The following MLLT3 variants were observed in gnomAD, a reference collection of about 807,000 sequenced individuals.
The protein encoded by MLLT3 is MLLT3 super elongation complex subunit, also known as protein AF-9.
Under a neutral mutation model 53.2 loss-of-function variants are expected in MLLT3, and 4 were observed. That is an observed-to-expected ratio of 0.08 (90% CI 0.04 to 0.17). The LOEUF (loss-of-function observed/expected upper bound fraction) is 0.17, where lower values mean the gene tolerates loss of function less well. MLLT3 is among the 10% of genes least tolerant of loss of function. MLLT3 has a pLI of 1.00. For synonymous variants in MLLT3, 283 were observed against 230.6 expected (o/e 1.23, Z -2.06); for missense variants, 569 against 684.0 (o/e 0.83, Z 1.87).
intron 2 of MLLT3, among the ~76,000 whole-genome samples, chr9:20,598,067 G>A (rs969951990): frequency 4.6e-5 from 7 of 152,104 alleles, no homozygotes; most frequent in Non-Finnish European, 8.8e-5. Flanking sequence ...TCTAATCTTA[G>A]CCCAGATCTA....
intron 2 of MLLT3, among the ~76,000 whole-genome samples, chr9:20,559,824 G>A (rs1819155766): frequency 6.6e-6 from 1 of 152,112 alleles, no homozygotes. Context: ...CATAGTTTTG[G>A]TAAAAAGAAA....
At chr9:20,520,791 G>A (rs1818037532) in intron 2 of MLLT3, among the ~76,000 whole-genome samples, 2 of 152,132 alleles carry the variant, frequency 1.3e-5, no homozygotes, top group African/African-American at 4.8e-5. Flanking sequence ...CACAGGGACA[G>A]GAAAATCCAA....
chr9:20,526,898 G>T (rs1306645295), intron 2 of MLLT3, among the ~76,000 whole-genome samples: 1 of 152,108 alleles, frequency 6.6e-6, no homozygotes, highest in African/African-American at 2.4e-5. Context: ...ATGAGGCTAG[G>T]CACCTTTCAT....
chr9:20,456,141 G>A (rs1156920188), intron 3 of MLLT3, among the ~76,000 whole-genome samples: 1 of 152,008 alleles, frequency 6.6e-6, no homozygotes, highest in Non-Finnish European at 1.5e-5. Flanking sequence ...GTTTCACCAT[G>A]TTGGCCAGGC....
chr9:20,597,541 C>G (rs1820305972), intron 2 of MLLT3, among the ~76,000 whole-genome samples: 1 of 152,156 alleles, frequency 6.6e-6, no homozygotes, highest in Non-Finnish European at 1.5e-5. Context: ...ATCTACTTTT[C>G]AACCATACAA....
intron 5 of MLLT3, among the ~76,000 whole-genome samples, chr9:20,373,342 C>A (rs1451714328): frequency 6.6e-6 from 1 of 152,136 alleles, no homozygotes; most frequent in Non-Finnish European, 1.5e-5. Context: ...AATGGCTATG[C>A]AAAATCATTT....
intron 2 of MLLT3, among the ~76,000 whole-genome samples, chr9:20,462,658 C>T (rs764415380): frequency 4.6e-5 from 7 of 152,096 alleles, no homozygotes; most frequent in African/African-American, 1.2e-4. Flanking sequence ...CTACCTTTTT[C>T]TCATTGCATC....
intron 4 of MLLT3, among the ~76,000 whole-genome samples, chr9:20,438,253 T>C (rs1463387942): frequency 2.0e-5 from 3 of 152,244 alleles, no homozygotes; most frequent in Non-Finnish European, 4.4e-5. Context: ...ACCTTTTTTA[T>C]GAACCTATAA....
At chr9:20,353,288 T>C (rs776673869) in intron 10 of MLLT3, among the ~76,000 whole-genome samples, 2 of 152,118 alleles carry the variant, frequency 1.3e-5, no homozygotes, top group East Asian at 1.9e-4. Context: ...ACTTCCCAAA[T>C]TGCCCAGTTC....
At chr9:20,480,510 A>C (rs563843583) in intron 2 of MLLT3, among the ~76,000 whole-genome samples, 1 of 152,352 alleles carries the variant, frequency 6.6e-6, no homozygotes, top group South Asian at 2.1e-4. Context: ...TGACAGTTTC[A>C]GATGGAGCCA....
intron 2 of MLLT3, among the ~76,000 whole-genome samples, chr9:20,509,984 G>C (rs1825488903): frequency 6.6e-6 from 1 of 151,718 alleles, no homozygotes; most frequent in Non-Finnish European, 1.5e-5. Context: ...TACCTTAGCT[G>C]AATTATGTGA....
intron 10 of MLLT3, among the ~76,000 whole-genome samples, chr9:20,350,780 T>C (rs1000938096): frequency 3.9e-5 from 6 of 152,206 alleles, no homozygotes; most frequent in Non-Finnish European, 7.3e-5. Flanking sequence ...CATTTTGTTT[T>C]AAACAGGGTA....
Position 20,413,795 on chromosome 9 carries a change from T to C in MLLT3, c.1051A>G (p.Thr351Ala), listed in dbSNP as rs776023664. Residue 351 changes from threonine to alanine, a missense_variant, in exon 5 of 11, where the codon ACG becomes GCG. Physicochemically the swap from Thr to Ala is moderately conservative, Grantham distance 58 (BLOSUM62 0). Around this residue, in one of 5 missense-constraint regions of MLLT3, gnomAD observed 437 missense variants for 376.5 expected, o/e 1.16. Transcript: ENST00000380338. ...ESETSEKKKS[T>A]LPPFDDIVDP... ...ACAATATCATCAAATGGCGGTAACG[T>C]TGATTTCTTCTTCTCTGATGTCTCA... The C allele has an allele frequency of 3.9e-5, 63 of 1,613,854 alleles. No homozygotes were observed. The highest frequency in any genetic ancestry group is 5.3e-5 in the African/African-American group (4 of 74,924).
intron 2 of MLLT3, among the ~76,000 whole-genome samples, chr9:20,540,171 C>A (rs1382404348): frequency 6.6e-6 from 1 of 152,216 alleles, no homozygotes; most frequent in Non-Finnish European, 1.5e-5. Context: ...CAAGGTAGAG[C>A]CGCCACAGCT....
chr9:20,476,049 A>G (rs1440617046), intron 2 of MLLT3, among the ~76,000 whole-genome samples: 1 of 152,016 alleles, frequency 6.6e-6, no homozygotes, highest in Non-Finnish European at 1.5e-5. Context: ...CTCAACATTA[A>G]TGCGCTGTTT....
At chr9:20,604,274 T>G (rs766303063) in intron 2 of MLLT3, among the ~76,000 whole-genome samples, 3 of 152,104 alleles carry the variant, frequency 2.0e-5, no homozygotes, top group Non-Finnish European at 4.4e-5. Flanking sequence ...TTATCCAAGA[T>G]GAGATTTTAA....
At chr9:20,383,378 G>C (rs1352746349) in intron 5 of MLLT3, among the ~76,000 whole-genome samples, 1 of 151,832 alleles carries the variant, frequency 6.6e-6, no homozygotes, top group Non-Finnish European at 1.5e-5. Flanking sequence ...AGGGTGAAAA[G>C]AATGAAACAC....
chr9:20,378,798 A>T (rs1821839067), intron 5 of MLLT3, among the ~76,000 whole-genome samples: 2 of 152,142 alleles, frequency 1.3e-5, no homozygotes, highest in African/African-American at 2.4e-5. Context: ...AATGAACTAA[A>T]GTAGCAAAAA....
intron 5 of MLLT3, among the ~76,000 whole-genome samples, chr9:20,387,241 G>A (rs1254203630): frequency 6.6e-6 from 1 of 152,146 alleles, no homozygotes; most frequent in African/African-American, 2.4e-5. Context: ...GTAAACAAGT[G>A]GCATGGCTGT....
Sources: gnomAD v4.1 joint callset for allele counts (sites outside exome capture counted in the v4.1 genomes callset) on GRCh38, gnomAD v4.1.1 for gene constraint, gnomAD v4.1.1 regional missense constraint, MANE v1.5 for transcripts, NCBI Gene and HGNC (gene_info 2026-07-23, HGNC 2026-07-21) for gene names.